Variants in SPTB observed in about 807,000 individuals in gnomAD.
SPTB encodes spectrin beta, erythrocytic, also known as spectrin beta chain, erythrocytic.
Under a neutral mutation model 256.2 loss-of-function variants are expected in SPTB, and 45 were observed. That is an observed-to-expected ratio of 0.18 (90% CI 0.14 to 0.23). SPTB has a LOEUF of 0.23. Among genes scored for constraint, SPTB ranks in the 10% least tolerant of loss-of-function variants. The pLI, the probability that SPTB is intolerant of heterozygous loss-of-function variation, is 1.00. For missense variants in SPTB, 2,715 were observed against 3,040.4 expected (o/e 0.89, Z 2.52); for synonymous variants, 1,231 against 1,243.1 (o/e 0.99, Z 0.21).
In SPTB at chr14:64,760,036, T is replaced by C. The variant is rs1410846638; in HGVS notation, c.6346-6243A>G. ...GCAGGGGACAAGCAGCATTGGTTGC[T>C]GGTTGACAGGGATCAGTGGAGAAGA... On this transcript the variant is annotated intron_variant, in intron 32 of 35. Coordinates refer to ENST00000644917, the MANE Select transcript of SPTB (RefSeq NM_001355436.2). This position sits in a 1 kb window ranked among gnomAD's most constrained non-coding sequence, Gnocchi z 4.3. Among the ~76,000 whole-genome samples the C allele has an allele frequency of 6.6e-6, 1 of 152,126 alleles. No individual in the cohort carries two copies. The highest frequency in any genetic ancestry group is 1.5e-5 in the Non-Finnish European group (1 of 68,018).
At chr14:64,869,333 G>A (rs1483663772) in intron 1 of SPTB, among the ~76,000 whole-genome samples, 1 of 152,138 alleles carries the variant, frequency 6.6e-6, no homozygotes, top group African/African-American at 2.4e-5. Context: ...AAAATTATAT[G>A]AACTTAGTTA....
At chr14:64,831,290 C>T (rs972370636) in intron 1 of SPTB, among the ~76,000 whole-genome samples, 1 of 152,184 alleles carries the variant, frequency 6.6e-6, no homozygotes. Flanking sequence ...TTCTCTTTTC[C>T]GCCTTCACTT....
chr14:64,800,235 A>T (rs1033535838), intron 8 of SPTB, among the ~76,000 whole-genome samples: 6 of 152,260 alleles, frequency 3.9e-5, no homozygotes, highest in Non-Finnish European at 7.3e-5. Context: ...GATGCCAGCC[A>T]CTAGGGGGCC....
Position 64,795,692 on chromosome 14 carries a change from C to T in SPTB, c.1342-53G>A. 1.9e-6 allele frequency: 3 copies of T among 1,594,244 alleles called. No homozygotes were observed. Among genetic ancestry groups the T allele is most frequent in the Non-Finnish European group, 2.6e-6 (3 of 1,164,614 alleles). On this transcript the variant is annotated intron_variant, in intron 11 of 35. Transcript: ENST00000644917. The surrounding 1 kb of genome is among the most constrained non-coding windows in gnomAD (Gnocchi z 6.5). The stretch of plus-strand genomic sequence containing the variant: ...CTCAGTCAGACACCCAGGGGCTCAT[C>T]CCCAAACTCAGGGACAGGGCAGCTC...
At position 64,873,728 on chromosome 14, in the gene SPTB, T is replaced by C. The variant is rs1235348536; in HGVS notation, c.-52+6064A>G. On this transcript the variant is annotated intron_variant, in intron 1 of 35. Coordinates refer to ENST00000644917, the MANE Select transcript of SPTB (RefSeq NM_001355436.2). The surrounding 1 kb of genome is among the most constrained non-coding windows in gnomAD (Gnocchi z 4.3). Reference sequence around the variant, plus strand: ...CAGAAGGCCCAGAATATTCAATTACTCCACTGAGAAGACCTGGAAACAGCC... The same window carrying C: ...CAGAAGGCCCAGAATATTCAATTACCCCACTGAGAAGACCTGGAAACAGCC... Among the ~76,000 whole-genome samples, 1 of 152,138 alleles carries C rather than the reference T, an allele frequency of 6.6e-6. No individual in the cohort carries two copies. Among genetic ancestry groups the C allele is most frequent in the Non-Finnish European group, 1.5e-5 (1 of 68,032 alleles).
chr14:64,836,928 AT>A (rs1427214748), intron 1 of SPTB, among the ~76,000 whole-genome samples: 1 of 152,184 alleles, frequency 6.6e-6, no homozygotes, highest in Non-Finnish European at 1.5e-5. Context: ...GAGAGAGGAA[AT>A]TTAGGAGCCA....
chr14:64,877,150 TA>T (rs111763840), intron 1 of SPTB, among the ~76,000 whole-genome samples: 5,386 of 137,992 alleles, frequency 0.039, 98 homozygotes, highest in South Asian at 0.072. Flanking sequence ...ATCTGTTCTT[TA>T]AAAAAAAAAA....
intron 15 of SPTB, among the ~76,000 whole-genome samples, chr14:64,788,702 T>C (rs537140487): frequency 6.6e-6 from 1 of 152,316 alleles, no homozygotes; most frequent in South Asian, 2.1e-4. Flanking sequence ...CTGTAGCCAT[T>C]GGGTGGAGGC....
At chr14:64,813,614 T>G (rs2083132382) in intron 2 of SPTB, among the ~76,000 whole-genome samples, 1 of 152,168 alleles carries the variant, frequency 6.6e-6, no homozygotes, top group South Asian at 2.1e-4. Flanking sequence ...CTCTGCCTCC[T>G]GGGTTCAAGC....
chr14:64,773,108 C>T, intron 25 of SPTB, 112 bp downstream of exon 25: 1 of 1,554,520 alleles, frequency 6.4e-7, no homozygotes, highest in Non-Finnish European at 8.7e-7. Flanking sequence ...CTGGTCCCGC[C>T]TCACACTGGG....
At chr14:64,860,077 A>C (rs1594851705) in intron 1 of SPTB, among the ~76,000 whole-genome samples, 2 of 152,262 alleles carry the variant, frequency 1.3e-5, no homozygotes, top group East Asian at 3.9e-4. Flanking sequence ...ATATGGCCTG[A>C]TCCTTGAGCT....
At chr14:64,821,874 C>T (rs557810731) in intron 2 of SPTB, among the ~76,000 whole-genome samples, 1 of 152,220 alleles carries the variant, frequency 6.6e-6, no homozygotes, top group East Asian at 1.9e-4. Flanking sequence ...ATTATGGTCC[C>T]AGAGGGGTCC....
chr14:64,799,727 C>T lies in SPTB; in HGVS notation c.1064+20G>A, dbSNP rs777550150. 2.5e-6 allele frequency: 4 copies of T among 1,613,812 alleles called. No homozygotes were observed. In the South Asian group the frequency reaches 4.4e-5, roughly 18 times the overall value. The stretch of plus-strand genomic sequence containing the variant: ...TTCCCAGCCACTGAGGACCACCCTC[C>T]CATGTGCCAGGGCCCTTACTTGGGC... On this transcript the variant is annotated intron_variant, in intron 9 of 35. Transcript: ENST00000644917.
At position 64,824,874 on chromosome 14, in the gene SPTB, C is replaced by T. The variant is rs2083352842; in HGVS notation, c.-51-1729G>A. Among the ~76,000 whole-genome samples, 1 of 152,162 alleles carries T rather than the reference C, an allele frequency of 6.6e-6. No individual in the cohort carries two copies. The highest frequency in any genetic ancestry group is 2.4e-5 in the African/African-American group (1 of 41,438). ...TTTCCCCAACCTGATGAATCCATCC[C>T]ACCACATCCTTGTGAGGTAAGATAG... On this transcript the variant is annotated intron_variant, in intron 1 of 35. Transcript: ENST00000644917. This position sits in a 1 kb window ranked among gnomAD's most constrained non-coding sequence, Gnocchi z 5.7.
chr14:64,823,180 T>G lies in SPTB; in HGVS notation c.-51-35A>C. 6.5e-7 allele frequency: 1 copy of G among 1,536,816 alleles called. No homozygotes were observed. Among genetic ancestry groups the G allele is most frequent in the Non-Finnish European group, 9.0e-7 (1 of 1,112,214 alleles). On this transcript the variant is annotated intron_variant, in intron 1 of 35. Transcript: ENST00000644917. This position sits in a 1 kb window ranked among gnomAD's most constrained non-coding sequence, Gnocchi z 6.5. ...AGCAACACAGTCAGAGGGTTATCTCTCTACCCCCTCGGACTTTTTCTCCGG... is the reference window on the plus strand; with the variant it reads ...AGCAACACAGTCAGAGGGTTATCTCGCTACCCCCTCGGACTTTTTCTCCGG...
In SPTB at chr14:64,764,309, G is replaced by A. The variant is rs954984549; in HGVS notation, c.6345+2417C>T. Among the ~76,000 whole-genome samples the A allele has an allele frequency of 5.3e-5, 8 of 152,230 alleles. No individual in the cohort carries two copies. Among genetic ancestry groups the A allele is most frequent in the African/African-American group, 1.9e-4 (8 of 41,446 alleles). ...CTCTTTCTTGCATCGAAGGTGGATGGGGTATTAGGCCCTCCCTCTGAGGTT... is the reference window on the plus strand; with the variant it reads ...CTCTTTCTTGCATCGAAGGTGGATGAGGTATTAGGCCCTCCCTCTGAGGTT... On this transcript the variant is annotated intron_variant, in intron 32 of 35. Coordinates refer to ENST00000644917, the MANE Select transcript of SPTB (RefSeq NM_001355436.2). This position sits in a 1 kb window ranked among gnomAD's most constrained non-coding sequence, Gnocchi z 4.2.
At chr14:64,859,992 C>G (rs1292910145) in intron 1 of SPTB, among the ~76,000 whole-genome samples, 1 of 152,086 alleles carries the variant, frequency 6.6e-6, no homozygotes, top group Admixed American at 6.5e-5. Flanking sequence ...GGTAAAATTG[C>G]CTAAAACTTG....
chr14:64,787,904 T>A (rs2082602203), intron 15 of SPTB, among the ~76,000 whole-genome samples: 1 of 152,234 alleles, frequency 6.6e-6, no homozygotes, highest in Non-Finnish European at 1.5e-5. Flanking sequence ...GGGCCTAGGT[T>A]CACTCATTCT....
At chr14:64,860,439 G>A (rs1321881550) in intron 1 of SPTB, among the ~76,000 whole-genome samples, 1 of 152,160 alleles carries the variant, frequency 6.6e-6, no homozygotes, top group East Asian at 1.9e-4. Context: ...CAGGACCTGA[G>A]AGGGCAGGGC....
Sources: allele counts gnomAD v4.1 joint callset (sites outside exome capture counted in the v4.1 genomes callset), GRCh38; gene constraint gnomAD v4.1.1; non-coding constraint Gnocchi (gnomAD v3.1); transcripts MANE v1.5; gene names NCBI Gene and HGNC (gene_info 2026-07-23, HGNC 2026-07-21).